Variants in TRPC5 observed in about 807,000 individuals in gnomAD.
The protein encoded by TRPC5 is transient receptor potential cation channel subfamily C member 5.
Under a neutral mutation model 56.5 loss-of-function variants are expected in TRPC5, and 9 were observed. That is an observed-to-expected ratio of 0.16 (90% CI 0.10 to 0.28). The LOEUF is 0.28. TRPC5 is among the 10% of genes least tolerant of loss of function. TRPC5 has a pLI of 1.00. For synonymous variants in TRPC5, 282 were observed against 278.5 expected (o/e 1.01, Z -0.13); for missense variants, 469 against 748.9 (o/e 0.63, Z 4.36).
intron 1 of TRPC5, among the ~76,000 whole-genome samples, chrX:112,050,697 G>A (rs1930192598): frequency 8.9e-6 from 1 of 112,199 alleles, no homozygotes; most frequent in South Asian, 3.7e-4. Context: ...ACTCTGCTAT[G>A]TTGTTTCCTG....
At chrX:112,005,463 T>TAAAAAAAAAAAAAAAAAAAAA (rs745973541) in intron 1 of TRPC5, among the ~76,000 whole-genome samples, 1 of 66,369 alleles carries the variant, frequency 1.5e-5, no homozygotes, top group African/African-American at 5.9e-5. Context: ...AACCTAAAAG[T>TAAAAAAAAAAAAAAAAAAAAA]AAAAAAAAAA....
chrX:112,052,688 A>G (rs1425895479), intron 1 of TRPC5, among the ~76,000 whole-genome samples: 1 of 111,816 alleles, frequency 8.9e-6, no homozygotes, highest in East Asian at 2.8e-4. Flanking sequence ...GTCATATCCA[A>G]GAAACCATTT....
chrX:112,071,224 C>T (rs1930711044), intron 1 of TRPC5, among the ~76,000 whole-genome samples: 1 of 110,534 alleles, frequency 9.0e-6, no homozygotes, highest in African/African-American at 3.3e-5. Context: ...GGAGGATCAC[C>T]TGAACCTGCG....
At chrX:111,967,179 C>G (rs1174458280) in intron 1 of TRPC5, among the ~76,000 whole-genome samples, 1 of 111,583 alleles carries the variant, frequency 9.0e-6, no homozygotes, top group African/African-American at 3.3e-5. Flanking sequence ...TTCTTATAAA[C>G]CAATAACAGA....
intron 1 of TRPC5, among the ~76,000 whole-genome samples, chrX:112,060,968 C>T (rs1417233388): frequency 8.9e-6 from 1 of 112,366 alleles, no homozygotes; most frequent in Non-Finnish European, 1.9e-5. Flanking sequence ...TCAGCCTTGG[C>T]TTTCGTCTGG....
At chrX:111,809,389 TAGCCCAGCTCACTGGGCTGGGTTC>T (rs1224999608) in intron 7 of TRPC5, among the ~76,000 whole-genome samples, 1 of 111,492 alleles carries the variant, frequency 9.0e-6, no homozygotes, top group Non-Finnish European at 1.9e-5. Context: ...CTCCAGGGGT[TAGCCCAGCTCACTGGGCTGGGTTC>T]TGCCCAGTGT....
intron 3 of TRPC5, among the ~76,000 whole-genome samples, chrX:111,860,063 C>T (rs777081121): frequency 2.7e-5 from 3 of 112,076 alleles, no homozygotes; most frequent in African/African-American, 6.5e-5. Flanking sequence ...CGCCCGCCAC[C>T]ACGACCGGCT....
chrX:112,045,789 T>C (rs1401067454), intron 1 of TRPC5, among the ~76,000 whole-genome samples: 1 of 111,868 alleles, frequency 8.9e-6, no homozygotes, highest in Non-Finnish European at 1.9e-5. Context: ...CAAATTATTT[T>C]TGTGAACCGT....
At chrX:111,825,215 CTTTCTTCT>C (rs1569525924) in intron 7 of TRPC5, among the ~76,000 whole-genome samples, 1 of 59,885 alleles carries the variant, frequency 1.7e-5, no homozygotes, top group African/African-American at 6.0e-5. Context: ...TTCTTTCTTT[CTTTCTTCT>C]TTCTTTCTCT....
intron 9 of TRPC5, 177 bp downstream of exon 9, chrX:111,780,988 T>C (rs768111464): frequency 1.9e-6 from 1 of 526,088 alleles, no homozygotes; most frequent in South Asian, 2.5e-5. Flanking sequence ...AACAGGATTA[T>C]AAAGCAGGTG....
chrX:111,809,032 G>A (rs1921613890), intron 7 of TRPC5, among the ~76,000 whole-genome samples: 1 of 109,520 alleles, frequency 9.1e-6, no homozygotes, highest in South Asian at 3.9e-4. Flanking sequence ...AGTTGCAAGA[G>A]AAAGTCTTCT....
chrX:111,881,323 C>T (rs1011385394), intron 3 of TRPC5, among the ~76,000 whole-genome samples: 7 of 110,297 alleles, frequency 6.3e-5, no homozygotes, highest in Non-Finnish European at 1.1e-4. Context: ...ACTACAGGCA[C>T]GCGCCACCAC....
chrX:111,839,791 G>A (rs777645028), intron 6 of TRPC5, among the ~76,000 whole-genome samples: 5 of 110,464 alleles, frequency 4.5e-5, no homozygotes, highest in Admixed American at 1.9e-4. Flanking sequence ...ATTATTGCTC[G>A]CTGCAGTTTT....
intron 1 of TRPC5, among the ~76,000 whole-genome samples, chrX:111,987,458 T>C (rs1445285350): frequency 9.0e-6 from 1 of 111,284 alleles, no homozygotes; most frequent in African/African-American, 3.3e-5. Context: ...ACACATTAGA[T>C]CTCTAGATTT....
chrX:111,985,084 A>G (rs1928177902), intron 1 of TRPC5, among the ~76,000 whole-genome samples: 1 of 112,143 alleles, frequency 8.9e-6, no homozygotes, highest in South Asian at 3.7e-4. Flanking sequence ...TGGTGGCACT[A>G]ATCTCTGCAA....
chrX:112,010,333 C>G (rs912190798), intron 1 of TRPC5, among the ~76,000 whole-genome samples: 2 of 112,283 alleles, frequency 1.8e-5, no homozygotes, highest in Non-Finnish European at 3.8e-5. Context: ...CTTCATCTTT[C>G]TCTGCCTCAG....
At chrX:112,029,918 C>T (rs777259544) in intron 1 of TRPC5, among the ~76,000 whole-genome samples, 5 of 110,041 alleles carry the variant, frequency 4.5e-5, no homozygotes, top group African/African-American at 6.6e-5. Flanking sequence ...ACCTCTGCCT[C>T]CCGGGTTCAA....
At chrX:111,924,135 C>T (rs753002888) in intron 2 of TRPC5, among the ~76,000 whole-genome samples, 1 of 111,642 alleles carries the variant, frequency 9.0e-6, no homozygotes, top group East Asian at 2.8e-4. Flanking sequence ...GGGCTGAGAA[C>T]CCAGATATAG....
Position 111,776,382 on chromosome X carries a change from T to C in TRPC5, c.2853A>G (p.Gly951=). 1 of 1,207,396 alleles carries C rather than the reference T, an allele frequency of 8.3e-7. No individual in the cohort carries two copies. Among genetic ancestry groups the C allele is most frequent in the Non-Finnish European group, 1.1e-6 (1 of 894,054 alleles). Residue 951 remains glycine, a synonymous_variant, in exon 11 of 11, where the codon GGA becomes GGG. Transcript: ENST00000262839. Reference sequence around the variant, plus strand: ...TGTGCATGAGCAAGTCACAAGCCTCTCCCCAAGTTTCAAATACATCCTCTG... The same window carrying C: ...TGTGCATGAGCAAGTCACAAGCCTCCCCCCAAGTTTCAAATACATCCTCTG... ...DSSEDVFETW[G]EACDLLMHKW... is the part of the protein sequence containing the mutation.
Sources: allele counts gnomAD v4.1 joint callset (sites outside exome capture counted in the v4.1 genomes callset), GRCh38; gene constraint gnomAD v4.1.1; transcripts MANE v1.5; gene names NCBI Gene and HGNC (gene_info 2026-07-23, HGNC 2026-07-21).